Variants in TENM2 observed in about 807,000 individuals in gnomAD.
TENM2 encodes the protein teneurin transmembrane protein 2.
TENM2 carries 52 observed loss-of-function variants against 245.2 expected under a neutral mutation model. The ratio of observed to expected loss-of-function variants is 0.21; its 90% CI spans 0.17 to 0.27. The LOEUF is 0.27. Ranked by LOEUF, TENM2 falls within the 10% of genes least tolerant of loss-of-function variation. TENM2 has a pLI of 1.00. For synonymous variants in TENM2, 1,363 were observed against 1,438.9 expected (o/e 0.95, Z 1.19); for missense variants, 3,046 against 3,666.8 (o/e 0.83, Z 4.37).
chr5:167,284,858 A>G (rs1457393569), exon 1 of TENM2: 4 of 1,551,496 alleles, frequency 2.6e-6, no homozygotes, highest in South Asian at 2.4e-5. Context: ...AGGACCGGCG[A>G]CACCGCTCTT....
chr5:167,423,046 G>A (rs767732418), intron 2 of TENM2, among the ~76,000 whole-genome samples: 5 of 152,022 alleles, frequency 3.3e-5, no homozygotes, highest in Admixed American at 6.6e-5. Context: ...TTCCATTTCC[G>A]ACTAAGAAGA....
At chr5:168,032,119 G>T (rs1787200423) in intron 5 of TENM2, among the ~76,000 whole-genome samples, 1 of 152,276 alleles carries the variant, frequency 6.6e-6, no homozygotes. Context: ...GCCACTACTG[G>T]CAGACTAATC....
intron 12 of TENM2, among the ~76,000 whole-genome samples, chr5:168,128,623 C>T (rs1796023757): frequency 6.6e-6 from 1 of 152,236 alleles, no homozygotes; most frequent in Non-Finnish European, 1.5e-5. Flanking sequence ...TCTGTCTTTA[C>T]TTTGGAAATA....
intron 2 of TENM2, among the ~76,000 whole-genome samples, chr5:167,596,379 C>CA (rs1239915789): frequency 6.6e-6 from 1 of 152,142 alleles, no homozygotes; most frequent in Non-Finnish European, 1.5e-5. Context: ...CTGTCCCCCC[C>CA]AAGGACCTCC....
intron 13 of TENM2, among the ~76,000 whole-genome samples, chr5:168,179,338 G>A (rs772720004): frequency 4.6e-5 from 7 of 152,124 alleles, no homozygotes; most frequent in South Asian, 2.1e-4. Flanking sequence ...TGGCTGGATC[G>A]AAGCACAGCA....
At chr5:167,112,241 A>G in the TENM2 span, among the ~76,000 whole-genome samples, 1 of 152,244 alleles carries the variant, frequency 6.6e-6, no homozygotes, top group Non-Finnish European at 1.5e-5. Flanking sequence ...TTGGCAGAGC[A>G]TGAATACCAC....
chr5:168,168,417 C>A (rs143524293), intron 13 of TENM2, among the ~76,000 whole-genome samples: 1 of 152,128 alleles, frequency 6.6e-6, no homozygotes, highest in Admixed American at 6.5e-5. Flanking sequence ...TGGTGGCTCA[C>A]GCCCGTAATC....
intron 2 of TENM2, among the ~76,000 whole-genome samples, chr5:167,464,569 T>C (rs1319767534): frequency 6.6e-6 from 1 of 152,310 alleles, no homozygotes; most frequent in East Asian, 1.9e-4. Context: ...TTAATGTTTC[T>C]TGCTATTTAG....
the TENM2 span, among the ~76,000 whole-genome samples, chr5:167,139,802 A>G: frequency 6.6e-6 from 1 of 152,236 alleles, no homozygotes; most frequent in Non-Finnish European, 1.5e-5. Flanking sequence ...AAGATTCAGT[A>G]CTAGGAAAAT....
intron 5 of TENM2, chr5:168,033,048 A>C (rs1457069368): frequency 2.6e-5 from 4 of 152,292 alleles, no homozygotes; most frequent in African/African-American, 7.2e-5. Context: ...AATTGATTAA[A>C]GTTTTTAAAA....
At chr5:167,499,032 C>G (rs543757222) in intron 2 of TENM2, among the ~76,000 whole-genome samples, 1 of 152,016 alleles carries the variant, frequency 6.6e-6, no homozygotes, top group Non-Finnish European at 1.5e-5. Context: ...AATCTAGTGA[C>G]GTTGTTTCCA....
chr5:167,540,060 T>A (rs115479032), intron 2 of TENM2, among the ~76,000 whole-genome samples: 1 of 152,166 alleles, frequency 6.6e-6, no homozygotes, highest in East Asian at 1.9e-4. Context: ...TAACTTTAAG[T>A]GATACAACTT....
intron 2 of TENM2, among the ~76,000 whole-genome samples, chr5:167,404,685 T>G (rs913833633): frequency 7.9e-5 from 12 of 151,988 alleles, no homozygotes; most frequent in African/African-American, 2.9e-4. Flanking sequence ...ACAATGACCC[T>G]CTCCATGCGT....
At chr5:167,118,648 AG>A in the TENM2 span, among the ~76,000 whole-genome samples, 1 of 152,226 alleles carries the variant, frequency 6.6e-6, no homozygotes, top group Non-Finnish European at 1.5e-5. Flanking sequence ...AAATTAATAA[AG>A]AAAGAGAGTT....
chr5:168,216,352 C>A (rs1456701066), intron 21 of TENM2, among the ~76,000 whole-genome samples: 1 of 152,204 alleles, frequency 6.6e-6, no homozygotes, highest in African/African-American at 2.4e-5. Flanking sequence ...CATTTCTCAG[C>A]ATTACTGCTG....
At chr5:167,313,957 T>C (rs1380685284) in intron 1 of TENM2, among the ~76,000 whole-genome samples, 2 of 152,242 alleles carry the variant, frequency 1.3e-5, no homozygotes, top group Non-Finnish European at 2.9e-5. Context: ...ACCTATTCCC[T>C]GTCCCGAGTC....
At chr5:167,271,214 A>T in the TENM2 span, among the ~76,000 whole-genome samples, 1 of 151,876 alleles carries the variant, frequency 6.6e-6, no homozygotes, top group Non-Finnish European at 1.5e-5. Flanking sequence ...AGGAGTGGGG[A>T]GGGACTGTTT....
chr5:168,068,603 C>T (rs1306007482), intron 7 of TENM2, among the ~76,000 whole-genome samples: 6 of 151,320 alleles, frequency 4.0e-5, no homozygotes, highest in African/African-American at 1.2e-4. Flanking sequence ...GAGACTAAAC[C>T]CATGAGAGTG....
intron 20 of TENM2, among the ~76,000 whole-genome samples, chr5:168,212,457 A>T (rs1762864482): frequency 6.6e-6 from 1 of 152,246 alleles, no homozygotes; most frequent in Non-Finnish European, 1.5e-5. Flanking sequence ...AGCTTTCTTA[A>T]GGAAAAATGA....
Sources: allele counts gnomAD v4.1 joint callset (sites outside exome capture counted in the v4.1 genomes callset), GRCh38; gene constraint gnomAD v4.1.1; transcripts MANE v1.5; gene names NCBI Gene and HGNC (gene_info 2026-07-23, HGNC 2026-07-21).